Variants in UBE3D observed in about 807,000 individuals in gnomAD.
The protein encoded by UBE3D is E3 ubiquitin-protein ligase E3D.
In UBE3D, 48 loss-of-function variants were observed where a neutral mutation model predicts 49.6. That is an observed-to-expected ratio of 0.97 (90% CI 0.77 to 1.23). UBE3D has a LOEUF of 1.23. Ranked by LOEUF, UBE3D falls within the 50% of genes most tolerant of loss-of-function variation. The probability of loss-of-function intolerance (pLI) is 0.00; values close to 1 mark genes in which losing one functional copy is unlikely to be tolerated. For missense variants in UBE3D, 452 were observed against 468.4 expected (o/e 0.96, Z 0.32); for synonymous variants, 189 against 174.2 (o/e 1.08, Z -0.67).
intron 9 of UBE3D, among the ~76,000 whole-genome samples, chr6:82,908,691 T>C (rs1250146725): frequency 6.6e-6 from 1 of 152,188 alleles, no homozygotes; most frequent in East Asian, 1.9e-4. Context: ...TTAATACATG[T>C]TTATTAAAAA....
intron 2 of UBE3D, among the ~76,000 whole-genome samples, chr6:83,055,696 G>A (rs1482277357): frequency 5.3e-5 from 8 of 152,134 alleles, no homozygotes; most frequent in Admixed American, 3.9e-4. Flanking sequence ...GTTCCACACC[G>A]AGGGTCACAG....
chr6:82,932,813 T>C (rs1774265369), intron 9 of UBE3D, among the ~76,000 whole-genome samples: 1 of 152,218 alleles, frequency 6.6e-6, no homozygotes, highest in African/African-American at 2.4e-5. Context: ...ACTACCCAAT[T>C]GCCATTGTTT....
chr6:83,044,390 G>C, intron 4 of UBE3D, 38 bp downstream of exon 4: 1 of 1,589,024 alleles, frequency 6.3e-7, no homozygotes, highest in African/African-American at 1.3e-5. Flanking sequence ...ATCTAAGACA[G>C]CCTCTAAATT....
At chr6:83,031,700 G>C (rs1029157904) in intron 5 of UBE3D, among the ~76,000 whole-genome samples, 1 of 152,202 alleles carries the variant, frequency 6.6e-6, no homozygotes, top group Non-Finnish European at 1.5e-5. Context: ...GTGACTTCAG[G>C]GCAGGTCAGA....
intron 8 of UBE3D, among the ~76,000 whole-genome samples, chr6:82,997,758 T>G (rs551705425): frequency 3.0e-4 from 45 of 152,182 alleles, no homozygotes; most frequent in African/African-American, 9.9e-4. Flanking sequence ...ACAATAGTTT[T>G]TGTATATACT....
intron 9 of UBE3D, among the ~76,000 whole-genome samples, chr6:82,929,579 G>A (rs1358608437): frequency 2.0e-5 from 3 of 151,782 alleles, no homozygotes; most frequent in Middle Eastern, 3.4e-3. Context: ...GTTTGTTCTG[G>A]TTGGGGGGGT....
intron 8 of UBE3D, among the ~76,000 whole-genome samples, chr6:83,002,184 CT>C (rs1440495583): frequency 6.6e-6 from 1 of 152,066 alleles, no homozygotes; most frequent in Non-Finnish European, 1.5e-5. Context: ...TACTTTCTAC[CT>C]TTTGTTCTAT....
intron 9 of UBE3D, among the ~76,000 whole-genome samples, chr6:82,898,196 T>A (rs1771470940): frequency 6.6e-6 from 1 of 152,168 alleles, no homozygotes; most frequent in African/African-American, 2.4e-5. Context: ...CTGGAGAGGA[T>A]GTGGAGAAAT....
At chr6:83,018,203 A>G (rs1441034443) in intron 8 of UBE3D, 1 of 152,246 alleles carries the variant, frequency 6.6e-6, no homozygotes, top group East Asian at 1.9e-4. Flanking sequence ...CCCATCTAAG[A>G]GTACAGGACA....
At chr6:82,913,998 C>G (rs934388558) in intron 9 of UBE3D, among the ~76,000 whole-genome samples, 1 of 152,112 alleles carries the variant, frequency 6.6e-6, no homozygotes, top group African/African-American at 2.4e-5. Flanking sequence ...CAGCTGAACA[C>G]AGAACACTAG....
At chr6:83,032,244 G>A (rs774363047) in intron 5 of UBE3D, 29 of 455,898 alleles carry the variant, frequency 6.4e-5, no homozygotes, top group Middle Eastern at 3.9e-4. Flanking sequence ...GGCCGTACCC[G>A]GCAAAACCAC....
intron 8 of UBE3D, among the ~76,000 whole-genome samples, chr6:82,961,484 G>A (rs886621064): frequency 9.2e-5 from 14 of 152,174 alleles, no homozygotes; most frequent in Non-Finnish European, 1.8e-4. Flanking sequence ...TTAAGTGATT[G>A]TCCAACATCA....
At chr6:82,956,929 A>G (rs944241599) in intron 9 of UBE3D, among the ~76,000 whole-genome samples, 3 of 152,180 alleles carry the variant, frequency 2.0e-5, no homozygotes, top group African/African-American at 7.2e-5. Flanking sequence ...GGAGTTCGAG[A>G]CCAGCCTGGG....
At chr6:82,893,113 T>C in intron 9 of UBE3D, 71 bp from the exon 10 acceptor site, 2 of 1,572,694 alleles carry the variant, frequency 1.3e-6, no homozygotes, top group Non-Finnish European at 1.7e-6. Flanking sequence ...GTACATCAAA[T>C]CAGAATCAGG....
chr6:82,893,184 T>C (rs1771061966), intron 9 of UBE3D, 142 bp from the exon 10 acceptor site: 2 of 910,646 alleles, frequency 2.2e-6, no homozygotes, highest in Admixed American at 2.2e-5. Context: ...TTAGTGGATC[T>C]AGACATTTTA....
chr6:82,979,959 T>C (rs1777999598), intron 8 of UBE3D, among the ~76,000 whole-genome samples: 1 of 152,164 alleles, frequency 6.6e-6, no homozygotes, highest in Non-Finnish European at 1.5e-5. Flanking sequence ...ATTCCTTTCT[T>C]TATATATACC....
rs1344029313 is a variant in UBE3D at position 83,018,967 on chromosome 6, A to T, written c.1010+6T>A. On this transcript the variant is annotated splice_donor_region_variant and intron_variant, in intron 8 of 9. Transcript: ENST00000369747. ...TGTGGAAAGAGAAAACAAATGCACA[A>T]CTTACTTTTCATTCCTGCTTTTGAT... 1 of 1,612,080 alleles carries T rather than the reference A, an allele frequency of 6.2e-7. No homozygotes were observed. Among genetic ancestry groups the T allele is most frequent in the South Asian group, 1.1e-5 (1 of 90,522 alleles).
intron 8 of UBE3D, among the ~76,000 whole-genome samples, chr6:82,960,426 C>A (rs1471382970): frequency 1.3e-5 from 2 of 152,116 alleles, no homozygotes; most frequent in African/African-American, 4.8e-5. Context: ...TATTGTCTTA[C>A]ATATACAGTT....
intron 8 of UBE3D, among the ~76,000 whole-genome samples, chr6:82,984,211 AGAG>A (rs1229304821): frequency 6.6e-6 from 1 of 152,182 alleles, no homozygotes; most frequent in Non-Finnish European, 1.5e-5. Flanking sequence ...CTTCTTCACC[AGAG>A]TAGTATATAC....
Sources: gnomAD v4.1 joint callset for allele counts (sites outside exome capture counted in the v4.1 genomes callset) on GRCh38, gnomAD v4.1.1 for gene constraint, MANE v1.5 for transcripts, NCBI Gene and HGNC (gene_info 2026-07-23, HGNC 2026-07-21) for gene names.